The following BTAF1 variants were observed in gnomAD, a reference collection of about 807,000 sequenced individuals.
BTAF1 encodes TATA-binding protein-associated factor 172.
BTAF1 carries 38 observed loss-of-function variants against 227.1 expected under a neutral mutation model. The observed-to-expected ratio is 0.17, with a 90% CI of 0.13 to 0.22. The LOEUF (loss-of-function observed/expected upper bound fraction) is 0.22. BTAF1 is among the 10% of genes least tolerant of loss of function. The pLI, the probability that BTAF1 is intolerant of heterozygous loss-of-function variation, is 1.00. For synonymous variants in BTAF1, 742 were observed against 751.9 expected (o/e 0.99, Z 0.21); for missense variants, 1,598 against 2,204.0 (o/e 0.73, Z 5.51).
chr10:91,996,499 A>G lies in BTAF1; in HGVS notation c.3440A>G (p.Glu1147Gly). 1 of 1,614,134 alleles carries G rather than the reference A, an allele frequency of 6.2e-7. No homozygotes were observed. The highest frequency in any genetic ancestry group is 8.5e-7 in the Non-Finnish European group (1 of 1,180,016). The change falls in exon 24 of 38, where the codon GAG becomes GGG. Residue 1147 changes from glutamate (E) to glycine (G), a missense_variant. Glu to Gly is a moderately conservative substitution (Grantham distance 98). Coordinates refer to ENST00000265990, the MANE Select transcript of BTAF1 (RefSeq NM_003972.3). ...ATMETMNIFLEKVLPWLGAID... is the reference protein window; with the variant it reads ...ATMETMNIFLGKVLPWLGAID... ...ATGGAAACAATGAATATTTTTTTGGAGAAGGTTCTTCCGTGGCTGGGAGCA... is the reference window on the plus strand; with the variant it reads ...ATGGAAACAATGAATATTTTTTTGGGGAAGGTTCTTCCGTGGCTGGGAGCA...
chr10:91,994,047 C>T (rs1589908721), intron 22 of BTAF1, among the ~76,000 whole-genome samples, 200 bp downstream of exon 22: 1 of 152,176 alleles, frequency 6.6e-6, no homozygotes, highest in East Asian at 1.9e-4. Context: ...GGCATGGTGG[C>T]TCATGCCTGT....
At chr10:91,942,631 G>A (rs1389839340) in intron 4 of BTAF1, 63 bp downstream of exon 4, 1 of 1,549,486 alleles carries the variant, frequency 6.5e-7, no homozygotes, top group African/African-American at 1.4e-5. Context: ...TGTCACTGTG[G>A]TATGCTGTTC....
At chr10:91,953,118 A>G (rs1845878270) in intron 5 of BTAF1, among the ~76,000 whole-genome samples, 1 of 152,226 alleles carries the variant, frequency 6.6e-6, no homozygotes, top group African/African-American at 2.4e-5. Flanking sequence ...CATCCACACC[A>G]GTGACCTTAA....
intron 14 of BTAF1, among the ~76,000 whole-genome samples, chr10:91,974,849 G>A (rs1042537568): frequency 5.9e-5 from 9 of 152,058 alleles, no homozygotes; most frequent in African/African-American, 1.4e-4. Context: ...GTGAAACTCC[G>A]TCTCAAAAAC....
Position 91,923,833 on chromosome 10 carries a change from T to A in BTAF1, c.-244T>A, listed in dbSNP as rs1160627066. On this transcript the variant is annotated 5_prime_UTR_variant, in exon 1 of 38. Coordinates refer to ENST00000265990, the MANE Select transcript of BTAF1 (RefSeq NM_003972.3). ...GCTGAGGGTACCCGGTTTGAAGTCGTGCGGGTCGGAGGACTGCCGCCTCCG... is the reference window on the plus strand; with the variant it reads ...GCTGAGGGTACCCGGTTTGAAGTCGAGCGGGTCGGAGGACTGCCGCCTCCG... 1 of 436,506 alleles carries A rather than the reference T, an allele frequency of 2.3e-6. No homozygotes were observed. Among genetic ancestry groups the A allele is most frequent in the African/African-American group, 2.1e-5 (1 of 48,480 alleles). 27.0% of individuals were successfully genotyped at this position (436,506 alleles called of 1,614,324 possible).
rs374999557 is a variant in BTAF1, at chr10:91,942,495, T to C, written c.327T>C (p.Cys109=). Reference sequence around the variant, plus strand: ...TGAATTTTGACAGATTTGATATATGTAGATTGTTACAACATGGTGCATCAC... The same window carrying C: ...TGAATTTTGACAGATTTGATATATGCAGATTGTTACAACATGGTGCATCAC... ...ERLNFDRFDI[C]RLLQHGASLL... is the part of the protein sequence containing the mutation. The change falls in exon 4 of 38, where the codon TGT becomes TGC. Residue 109 remains cysteine, a synonymous_variant. Coordinates refer to ENST00000265990, the MANE Select transcript of BTAF1 (RefSeq NM_003972.3). 54 of 1,614,042 alleles carry C rather than the reference T, an allele frequency of 3.3e-5. No homozygotes were observed. Among genetic ancestry groups the C allele is most frequent in the Non-Finnish European group, 4.3e-5 (51 of 1,180,002 alleles).
chr10:91,946,631 T>G (rs1845383300), intron 4 of BTAF1, among the ~76,000 whole-genome samples: 1 of 152,234 alleles, frequency 6.6e-6, no homozygotes, highest in South Asian at 2.1e-4. Flanking sequence ...ATTGTGATTT[T>G]GATTTGCATT....
intron 12 of BTAF1, among the ~76,000 whole-genome samples, chr10:91,963,819 T>C (rs914977587): frequency 1.6e-4 from 25 of 152,216 alleles, no homozygotes; most frequent in African/African-American, 5.3e-4. Context: ...CTCTTTTATT[T>C]TCTGAATTCT....
chr10:92,016,468 A>G lies in BTAF1; in HGVS notation c.4710+3A>G. The G allele has an allele frequency of 6.5e-7, 1 of 1,549,902 alleles. No homozygotes were observed. Among genetic ancestry groups the G allele is most frequent in the Non-Finnish European group, 8.6e-7 (1 of 1,157,618 alleles). On this transcript the variant is annotated splice_donor_region_variant and intron_variant, in intron 33 of 37. Transcript: ENST00000265990. Reference sequence around the variant, plus strand: ...AAGCTACAGGCCACGTATTCCAGGTATAGATTACATTCTACTTTTTTTTTT... The same window carrying G: ...AAGCTACAGGCCACGTATTCCAGGTGTAGATTACATTCTACTTTTTTTTTT...
At chr10:91,993,663 A>G in intron 21 of BTAF1, 31 bp from the exon 22 acceptor site, 1 of 1,392,924 alleles carries the variant, frequency 7.2e-7, no homozygotes, top group Non-Finnish European at 9.4e-7. Flanking sequence ...TTTTTCTGAA[A>G]TTCTGTTTTT....
rs777624966 is a variant in BTAF1 at position 91,935,705 on chromosome 10, A to C, written c.63A>C (p.Thr21=). The part of the protein sequence containing the change: ...ILLDTGTTPV[T]RKAAAQQLGE... Reference sequence around the variant, plus strand: ...TGGATACTGGCACTACTCCTGTTACAAGAAAAGCTGCTGCACAGCAACTTG... The same window carrying C: ...TGGATACTGGCACTACTCCTGTTACCAGAAAAGCTGCTGCACAGCAACTTG... Residue 21 remains threonine (T), a synonymous_variant, in exon 2 of 38, where the codon ACA becomes ACC. Coordinates refer to ENST00000265990, the MANE Select transcript of BTAF1 (RefSeq NM_003972.3). 9 of 1,613,748 alleles carry C rather than the reference A, an allele frequency of 5.6e-6. No homozygotes were observed. In the South Asian group the frequency reaches 8.8e-5, roughly 16 times the overall value.
chr10:91,953,929 CTG>C (rs1845925624), intron 6 of BTAF1, 56 bp downstream of exon 6: 1 of 1,584,242 alleles, frequency 6.3e-7, no homozygotes, highest in African/African-American at 1.4e-5. Context: ...TGGCTTTAAT[CTG>C]TGTCTGCTTG....
intron 11 of BTAF1, 120 bp from the exon 12 acceptor site, chr10:91,962,418 G>A (rs1846592290): frequency 1.6e-6 from 1 of 616,488 alleles, no homozygotes; most frequent in Non-Finnish European, 2.8e-6. Context: ...CCATTGTTAA[G>A]CAGTGCATGA....
chr10:91,983,915 C>T (rs1848228843), intron 18 of BTAF1, among the ~76,000 whole-genome samples: 2 of 149,096 alleles, frequency 1.3e-5, no homozygotes, highest in African/African-American at 4.9e-5. Flanking sequence ...TACCATAATA[C>T]ACTTTAAAAT....
At chr10:91,999,138 TTTTA>T in intron 25 of BTAF1, among the ~76,000 whole-genome samples, 1 of 151,468 alleles carries the variant, frequency 6.6e-6, no homozygotes, top group South Asian at 2.1e-4. Context: ...GGATGTGTGT[TTTTA>T]TTTCTTTTGA....
intron 9 of BTAF1, 74 bp from the exon 10 acceptor site, chr10:91,959,711 T>TA: frequency 1.6e-6 from 1 of 637,614 alleles, no homozygotes; most frequent in Non-Finnish European, 2.1e-6. Flanking sequence ...AAAATTATGT[T>TA]AAAAAAATGT....
At chr10:91,987,356 G>A (rs1848471970) in intron 19 of BTAF1, among the ~76,000 whole-genome samples, 2 of 151,922 alleles carry the variant, frequency 1.3e-5, no homozygotes, top group African/African-American at 2.4e-5. Flanking sequence ...GGTGGTGGGT[G>A]CCTGTAGTCC....
intron 11 of BTAF1, among the ~76,000 whole-genome samples, chr10:91,961,886 G>T (rs12413858): frequency 6.6e-6 from 1 of 151,848 alleles, no homozygotes; most frequent in African/African-American, 2.4e-5. Flanking sequence ...TTTGGTTGTC[G>T]GTGGCATTGA....
At chr10:91,988,241 A>G (rs1360706564) in intron 19 of BTAF1, among the ~76,000 whole-genome samples, 2 of 152,182 alleles carry the variant, frequency 1.3e-5, no homozygotes, top group African/African-American at 2.4e-5. Context: ...ATATTAAGAC[A>G]TTATATCTTA....
Sources: allele counts gnomAD v4.1 joint callset (sites outside exome capture counted in the v4.1 genomes callset), GRCh38; gene constraint gnomAD v4.1.1; transcripts MANE v1.5; gene names NCBI Gene and HGNC (gene_info 2026-07-23, HGNC 2026-07-21).